Variants in C1S observed in about 807,000 individuals in gnomAD.
C1S encodes complement C1s.
C1S carries 31 observed loss-of-function variants against 54.0 expected under a neutral mutation model. The ratio of observed to expected loss-of-function variants is 0.57; its 90% CI spans 0.43 to 0.78. The LOEUF is 0.78. Among genes scored for constraint, C1S ranks in the 30% least tolerant of loss-of-function variants. C1S has a pLI of 0.00. For missense variants in C1S, 727 were observed against 851.8 expected, an observed-to-expected ratio of 0.85 and a Z score of 1.82; for synonymous variants, 292 against 303.6, an observed-to-expected ratio of 0.96 and a Z score of 0.40.
intron 6 of C1S, 144 bp downstream of exon 6, chr12:7,065,443 T>G: frequency 1.4e-6 from 1 of 730,892 alleles, no homozygotes; most frequent in Non-Finnish European, 2.5e-6. Context: ...GTAGCCTTGA[T>G]CTCTTGGGCT....
At chr12:7,065,996 G>A in intron 7 of C1S, 26 bp downstream of exon 7, 2 of 1,608,118 alleles carry the variant, frequency 1.2e-6, no homozygotes, top group South Asian at 2.2e-5. Context: ...GTGCCTCTTT[G>A]GTTGGTGATA....
At chr12:7,062,176 T>TGAGCCTCAAAATCACTTTTGA in intron 2 of C1S, 1 of 564,944 alleles carries the variant, frequency 1.8e-6, no homozygotes, top group Non-Finnish European at 3.1e-6. Context: ...AAGGCTGAGG[T>TGAGCCTCAAAATCACTTTTGA]GGTAGAATCA....
rs782638169 is a variant in C1S, at chr12:7,070,519, C to A, written c.1935C>A (p.Thr645=). The part of the protein sequence containing the change: ...AFAVQDPNDK[T]KFYAAGLVSW... Reference sequence around the variant, plus strand: ...CTGTACAGGATCCCAATGACAAGACCAAATTCTACGCAGCTGGCCTGGTGT... The same window carrying A: ...CTGTACAGGATCCCAATGACAAGACAAAATTCTACGCAGCTGGCCTGGTGT... Residue 645 remains threonine, a synonymous_variant, in exon 12 of 12, where the codon ACC becomes ACA. Coordinates refer to ENST00000360817, the MANE Select transcript of C1S (RefSeq NM_001734.5). The surrounding 1 kb of genome is among the most constrained non-coding windows in gnomAD (Gnocchi z 4.9). The A allele has an allele frequency of 1.2e-6, 2 of 1,613,756 alleles. No individual in the cohort carries two copies. Among genetic ancestry groups the A allele is most frequent in the Non-Finnish European group, 1.7e-6 (2 of 1,179,818 alleles).
At chr12:7,066,462 G>A in intron 7 of C1S, 56 bp from the exon 8 acceptor site, 1 of 951,420 alleles carries the variant, frequency 1.1e-6, no homozygotes, top group South Asian at 1.3e-5. Flanking sequence ...AATAGAATGA[G>A]AGTCTTCAAC....
In C1S at chr12:7,070,633, C is replaced by T. The variant is rs1555163142; in HGVS notation, c.2049C>T (p.Ser683=). The T allele has an allele frequency of 6.2e-7, 1 of 1,613,922 alleles. No homozygotes were observed. Among genetic ancestry groups the T allele is most frequent in the Admixed American group, 1.7e-5 (1 of 60,030 alleles). The change falls in exon 12 of 12, where the codon AGC becomes AGT. Residue 683 remains serine, a synonymous_variant. Transcript: ENST00000360817. This position sits in a 1 kb window ranked among gnomAD's most constrained non-coding sequence, Gnocchi z 4.9. ...TAATGAAGACTATGCAGGAAAATAG[C>T]ACCCCCCGTGAGGACTAATCCAGAT... ...DWIMKTMQEN[S]TPRED is the part of the protein sequence containing the mutation.
intron 6 of C1S, 66 bp downstream of exon 6, chr12:7,065,365 T>A (rs782806810): frequency 1.2e-5 from 13 of 1,116,850 alleles, no homozygotes; most frequent in East Asian, 2.5e-5. Flanking sequence ...TGAAGACAAA[T>A]TTTTTTTTCA....
Position 7,065,934 on chromosome 12 carries a change from CA to C in C1S, c.842del (p.Lys281ArgfsTer39), listed in dbSNP as rs781818365. ...DIIFQTDLTG[Q>X]KKGWKLRYHG... ...CATCTTCCAAACTGATCTAACAGGG[CA>C]AAAAAAGGGCTGGAAACTTCGCTAT... On this transcript the variant is annotated frameshift_variant, in exon 7 of 12. Coordinates refer to ENST00000360817, the MANE Select transcript of C1S (RefSeq NM_001734.5). LOFTEE classifies it high-confidence loss of function. 6.2e-7 allele frequency: 1 copy of C among 1,613,464 alleles called. No homozygotes were observed.
At chr12:7,066,968 C>T in intron 8 of C1S, 71 bp from the exon 9 acceptor site, 1 of 1,109,420 alleles carries the variant, frequency 9.0e-7, no homozygotes, top group South Asian at 1.2e-5. Flanking sequence ...GGCCAGAGAT[C>T]AATTCCAGTT....
intron 2 of C1S, 63 bp downstream of exon 2, chr12:7,061,980 C>A: frequency 1.3e-6 from 2 of 1,525,478 alleles, no homozygotes; most frequent in South Asian, 1.1e-5. Context: ...TCAAGAAAAG[C>A]GCTCAAGGGC....
At chr12:7,064,805 G>C (rs1297344103) in intron 5 of C1S, among the ~76,000 whole-genome samples, 2 of 152,026 alleles carry the variant, frequency 1.3e-5, no homozygotes, top group African/African-American at 4.8e-5. Context: ...AAGACTATAG[G>C]GTAAAGTTAG....
At chr12:7,063,647 A>G (rs896606022) in intron 4 of C1S, among the ~76,000 whole-genome samples, 6 of 152,214 alleles carry the variant, frequency 3.9e-5, no homozygotes, top group African/African-American at 1.2e-4. Context: ...TGCAGAAGGC[A>G]TCGTCATGAT....
chr12:7,062,595 A>G lies in C1S; in HGVS notation c.126A>G (p.Ile42Met). The change falls in exon 3 of 12, where the codon ATA becomes ATG. Residue 42 changes from isoleucine to methionine, a missense_variant. Coordinates refer to ENST00000360817, the MANE Select transcript of C1S (RefSeq NM_001734.5). ...YPSEVEKSWD[I>M]EVPEGYGIHL... ...GTGAGGTAGAGAAATCTTGGGACAT[A>G]GAAGTTCCTGAAGGGTATGGGATTC... 12 of 1,614,150 alleles carry G rather than the reference A, an allele frequency of 7.4e-6. No individual in the cohort carries two copies. The highest frequency in any genetic ancestry group is 9.3e-6 in the Non-Finnish European group (11 of 1,179,994).
Position 7,065,160 on chromosome 12 carries a change from C to G in C1S, c.578C>G (p.Pro193Arg). 1 of 1,613,970 alleles carries G rather than the reference C, an allele frequency of 6.2e-7. No homozygotes were observed. Among genetic ancestry groups the G allele is most frequent in the Non-Finnish European group, 8.5e-7 (1 of 1,179,942 alleles). ...LIGEIASPNYPKPYPENSRCE... is the reference protein window; with the variant it reads ...LIGEIASPNYRKPYPENSRCE... ...GGGGAGATTGCAAGTCCCAATTATCCCAAACCATATCCAGAGAACTCAAGG... is the reference window on the plus strand; with the variant it reads ...GGGGAGATTGCAAGTCCCAATTATCGCAAACCATATCCAGAGAACTCAAGG... The change falls in exon 6 of 12, where the codon CCC becomes CGC. Residue 193 changes from proline (P) to arginine (R), a missense_variant. By Grantham distance (103) the Pro-to-Arg change is moderately radical. Transcript: ENST00000360817.
chr12:7,064,802 T>C (rs1947149462), intron 5 of C1S, among the ~76,000 whole-genome samples: 2 of 152,134 alleles, frequency 1.3e-5, no homozygotes, highest in African/African-American at 4.8e-5. Context: ...GATAAGACTA[T>C]AGGGTAAAGT....
Position 7,070,945 on chromosome 12 carries a change from G to T in C1S, c.*294G>T. The T allele has an allele frequency of 2.4e-6, 1 of 409,736 alleles. No individual in the cohort carries two copies. The highest frequency in any genetic ancestry group is 4.5e-6 in the Non-Finnish European group (1 of 221,536). The allele number at this position is 409,736 out of a possible 1,614,324, so 25.4% of individuals were successfully genotyped here. A position where few individuals can be genotyped will look rare whatever the true frequency, so the allele number is the denominator to read the frequency against. On this transcript the variant is annotated 3_prime_UTR_variant, in exon 12 of 12. Transcript: ENST00000360817. This position sits in a 1 kb window ranked among gnomAD's most constrained non-coding sequence, Gnocchi z 4.9. ...TTCCACAGGGATACCTTAATTCTTT[G>T]TTTCCTCTTTACCTGTTCAAAATTC...
rs782165948 is a variant in C1S, at chr12:7,064,388, C to A, written c.513C>A (p.Cys171Ter). The A allele has an allele frequency of 6.2e-7, 1 of 1,613,974 alleles. No homozygotes were observed. The part of the protein sequence containing the change: ...EYFLHDDMKN[C>*]GVNCSGDVFT... ...TCCTCCATGATGACATGAAGAATTG[C>A]GGAGGTGAGCTTGGTGTTAAGAGGG... The change falls in exon 5 of 12, where the codon TGC becomes TGA. Residue 171 changes from cysteine (C) to a stop codon, truncating the protein, a stop_gained. Transcript: ENST00000360817. LOFTEE classifies it high-confidence loss of function.
chr12:7,070,781 G>T lies in C1S; in HGVS notation c.*130G>T. 1.2e-6 allele frequency: 1 copy of T among 825,072 alleles called. No individual in the cohort carries two copies. Among genetic ancestry groups the T allele is most frequent in the Non-Finnish European group, 2.0e-6 (1 of 492,706 alleles). 51.1% of individuals were successfully genotyped at this position (825,072 alleles called of 1,614,324 possible). A position where few individuals can be genotyped will look rare whatever the true frequency, so the allele number is the denominator to read the frequency against. On this transcript the variant is annotated 3_prime_UTR_variant, in exon 12 of 12. Coordinates refer to ENST00000360817, the MANE Select transcript of C1S (RefSeq NM_001734.5). The surrounding 1 kb of genome is among the most constrained non-coding windows in gnomAD (Gnocchi z 4.9). ...CGAATGATTTAAATAGAACTTGATTGTTGAGACGCCTTGCTAGAGGTAGAG... is the reference window on the plus strand; with the variant it reads ...CGAATGATTTAAATAGAACTTGATTTTTGAGACGCCTTGCTAGAGGTAGAG...
At chr12:7,062,270 CAAAA>C (rs373096669) in intron 2 of C1S, 502 of 444,348 alleles carry the variant, frequency 1.1e-3, no homozygotes, top group East Asian at 1.7e-3. Flanking sequence ...GAACCTGTCT[CAAAA>C]AAAAAAAAAA....
At position 7,070,226 on chromosome 12, in the gene C1S, A is replaced by G; in HGVS notation, c.1642A>G (p.Ile548Val). The change falls in exon 12 of 12, where the codon ATC becomes GTC. Residue 548 changes from isoleucine (I) to valine (V), a missense_variant. Ile to Val is a conservative substitution (Grantham distance 29). This residue lies in a region of C1S where 360 missense variants were observed against 453.6 expected (regional missense o/e 0.79). Coordinates refer to ENST00000360817, the MANE Select transcript of C1S (RefSeq NM_001734.5). This position sits in a 1 kb window ranked among gnomAD's most constrained non-coding sequence, Gnocchi z 4.9. ...GAAAATGGGACCCACCGTCTCTCCC[A>G]TCTGCCTACCAGGCACCTCTTCCGA... ...PVKMGPTVSPICLPGTSSDYN... is the reference protein window; with the variant it reads ...PVKMGPTVSPVCLPGTSSDYN... 2 of 1,614,156 alleles carry G rather than the reference A, an allele frequency of 1.2e-6. No individual in the cohort carries two copies. Among genetic ancestry groups the G allele is most frequent in the Non-Finnish European group, 1.7e-6 (2 of 1,179,976 alleles).
Sources: allele counts gnomAD v4.1 joint callset (sites outside exome capture counted in the v4.1 genomes callset), GRCh38; gene constraint gnomAD v4.1.1; regional missense constraint gnomAD v4.1.1; non-coding constraint Gnocchi (gnomAD v3.1); transcripts MANE v1.5; gene names NCBI Gene and HGNC (gene_info 2026-07-23, HGNC 2026-07-21).